GRAMD1B: variants seen among roughly 807,000 people sequenced by gnomAD.
The protein encoded by GRAMD1B is GRAM domain containing 1B, also known as protein Aster-B.
A neutral mutation model predicts 99.7 loss-of-function variants in GRAMD1B; 37 were observed. The ratio of observed to expected loss-of-function variants is 0.37; its 90% CI spans 0.29 to 0.49. GRAMD1B has a LOEUF of 0.49. GRAMD1B is among the 20% of genes least tolerant of loss of function. The pLI, the probability that GRAMD1B is intolerant of heterozygous loss-of-function variation, is 0.98. For missense variants in GRAMD1B, 888 were observed against 1,009.2 expected (o/e 0.88, Z 1.63); for synonymous variants, 427 against 387.6 (o/e 1.10, Z -1.19).
chr11:123,526,145 A>G (rs755313648), intron 2 of GRAMD1B: 1 of 1,612,924 alleles, frequency 6.2e-7, no homozygotes, highest in Admixed American at 1.7e-5. Context: ...TCGTGACTGT[A>G]CTAATGAAAG....
In GRAMD1B at chr11:123,620,472, C is replaced by CAAAAAAAA. The variant is rs55787871; in HGVS notation, c.2544+1265_2544+1272dup. On this transcript the variant is annotated intron_variant, in intron 19 of 19. Transcript: ENST00000635736. ...CTGGCAACAGAGTGAGACTTCATCT[C>CAAAAAAAA]AAAAAAAAAAAAAAAAAAAAAAAAG... Among the ~76,000 whole-genome samples the CAAAAAAAA allele has an allele frequency of 4.3e-5, 3 of 69,238 alleles. 1 individual carries two copies. The highest frequency in any genetic ancestry group is 7.4e-5 in the Non-Finnish European group (3 of 40,668). The allele number at this position is 69,238 out of a possible 152,430, so 45.4% of individuals were successfully genotyped here.
chr11:123,610,865 C>A lies in GRAMD1B; in HGVS notation c.1919+527C>A, dbSNP rs1018189255. Among the ~76,000 whole-genome samples the A allele has an allele frequency of 6.6e-6, 1 of 152,168 alleles. No homozygotes were observed. Among genetic ancestry groups the A allele is most frequent in the African/African-American group, 2.4e-5 (1 of 41,452 alleles). On this transcript the variant is annotated intron_variant, in intron 14 of 19. Coordinates refer to ENST00000635736, the MANE Select transcript of GRAMD1B (RefSeq NM_001387025.1). This position sits in a 1 kb window ranked among gnomAD's most constrained non-coding sequence, Gnocchi z 4.1. The stretch of plus-strand genomic sequence containing the variant: ...ACTTTATTCCCAGCACCCAGCTGGG[C>A]CTGCACGTATCAGAGTCCAGAGAAC...
chr11:123,381,717 C>T (rs1350161137), intron 1 of GRAMD1B, among the ~76,000 whole-genome samples: 5 of 152,204 alleles, frequency 3.3e-5, no homozygotes, highest in East Asian at 1.9e-4. Flanking sequence ...AATACATCAA[C>T]GTGGTCACCA....
chr11:123,486,717 A>G (rs1937840311), intron 2 of GRAMD1B, among the ~76,000 whole-genome samples: 1 of 152,212 alleles, frequency 6.6e-6, no homozygotes, highest in African/African-American at 2.4e-5. Flanking sequence ...TTACAAATAA[A>G]CAAGTATAAT....
intron 1 of GRAMD1B, among the ~76,000 whole-genome samples, chr11:123,452,321 C>T (rs1716432496): frequency 6.6e-6 from 1 of 152,172 alleles, no homozygotes. Context: ...GGCAATTAGC[C>T]AGATCTTGTG....
At chr11:123,532,311 G>A (rs1288859885) in intron 2 of GRAMD1B, among the ~76,000 whole-genome samples, 3 of 152,296 alleles carry the variant, frequency 2.0e-5, no homozygotes, top group South Asian at 2.1e-4. Context: ...GGAGGAAGGC[G>A]TGGCTCTTAA....
intron 8 of GRAMD1B, 139 bp from the exon 9 acceptor site, chr11:123,603,287 G>A (rs1952223088): frequency 1.6e-6 from 1 of 630,000 alleles, no homozygotes; most frequent in Non-Finnish European, 2.9e-6. Context: ...GCAGATGGGG[G>A]TGGTGGCTCG....
intron 1 of GRAMD1B, among the ~76,000 whole-genome samples, chr11:123,408,263 G>A (rs1250235082): frequency 1.3e-5 from 2 of 152,228 alleles, no homozygotes; most frequent in Admixed American, 6.5e-5. Context: ...AATAGAAAAT[G>A]AAGTGAAATG....
At position 123,626,594 on chromosome 11, in the gene GRAMD1B, A is replaced by T. The variant is rs1955522769; in HGVS notation, c.*3999A>T. The T allele has an allele frequency of 6.6e-6, 1 of 151,784 alleles. No individual in the cohort carries two copies. The highest frequency in any genetic ancestry group is 1.5e-5 in the Non-Finnish European group (1 of 67,960). 9.4% of individuals were successfully genotyped at this position (151,784 alleles called of 1,614,324 possible). On this transcript the variant is annotated 3_prime_UTR_variant, in exon 20 of 20. Coordinates refer to ENST00000635736, the MANE Select transcript of GRAMD1B (RefSeq NM_001387025.1). ...ATAGCACTCTTCTCCCTTCCCCCAG[A>T]TGGCAGGGCTCTGGCCTCCCTACAC...
At position 123,613,622 on chromosome 11, in the gene GRAMD1B, G is replaced by T. The variant is rs912435884; in HGVS notation, c.2191G>T (p.Asp731Tyr). 1.2e-6 allele frequency: 2 copies of T among 1,613,744 alleles called. No individual in the cohort carries two copies. The highest frequency in any genetic ancestry group is 1.7e-5 in the Admixed American group (1 of 59,998). ...EVMSPVTTPT[D>Y]EDVGHRIKHV... ...GATGAGCCCGGTCACCACGCCCACA[G>T]ATGAGGATGTGGGCCACAGGATCAA... The change falls in exon 16 of 20, where the codon GAT becomes TAT. Residue 731 changes from aspartate (D) to tyrosine (Y), a missense_variant. Physicochemically the swap from Asp to Tyr is radical, Grantham distance 160 (BLOSUM62 -3). Coordinates refer to ENST00000635736, the MANE Select transcript of GRAMD1B (RefSeq NM_001387025.1).
chr11:123,564,500 C>T (rs996968009), intron 2 of GRAMD1B, among the ~76,000 whole-genome samples: 1 of 152,250 alleles, frequency 6.6e-6, no homozygotes, highest in African/African-American at 2.4e-5. Flanking sequence ...CACCTAACTC[C>T]TGGGGGCTAT....
At chr11:123,571,985 G>A (rs114093929) in intron 2 of GRAMD1B, among the ~76,000 whole-genome samples, 1,820 of 152,210 alleles carry the variant, frequency 0.012, 32 homozygotes, top group African/African-American at 0.041. Context: ...ATTAACACGG[G>A]AAGAATAGGC....
intron 7 of GRAMD1B, chr11:123,598,687 C>G: frequency 9.9e-7 from 1 of 1,011,618 alleles, no homozygotes; most frequent in South Asian, 1.3e-5. Flanking sequence ...CCCAGAGAGG[C>G]CAACTCCTCC....
At chr11:123,454,443 A>T (rs1950022543) in intron 1 of GRAMD1B, 1 of 152,248 alleles carries the variant, frequency 6.6e-6, no homozygotes, top group Admixed American at 6.5e-5. Flanking sequence ...TGGAAAAGAC[A>T]GCGGTTTAGA....
chr11:123,426,358 A>G (rs549241608), upstream of GRAMD1B, among the ~76,000 whole-genome samples: 124 of 152,294 alleles, frequency 8.1e-4, no homozygotes, highest in Non-Finnish European at 1.5e-3. Context: ...TTTATCATCT[A>G]TCCCAAATCC....
At position 123,430,927 on chromosome 11, in the gene GRAMD1B, GC is replaced by G; in HGVS notation, c.136del (p.Arg46AlafsTer3). ...CGCTTCGCCGCCGGCGCTTCAAGATGCGCCGCATGAAGAACGTACAGGAGCA... is the reference window on the plus strand; with the variant it reads ...CGCTTCGCCGCCGGCGCTTCAAGATGGCCGCATGAAGAACGTACAGGAGCA... Reference protein sequence around the residue: ...PTLRRRRFKMRRMKNVQEQSL... With the variant: ...PTLRRRRFKMXRMKNVQEQSL... On this transcript the variant is annotated frameshift_variant, in exon 1 of 20. Transcript: ENST00000635736. 1 of 702,768 alleles carries G rather than the reference GC, an allele frequency of 1.4e-6. No homozygotes were observed. The highest frequency in any genetic ancestry group is 2.6e-6 in the Non-Finnish European group (1 of 384,848). 43.5% of individuals were successfully genotyped at this position (702,768 alleles called of 1,614,324 possible).
intron 2 of GRAMD1B, among the ~76,000 whole-genome samples, chr11:123,548,319 T>TAC (rs1276539105): frequency 3.8e-5 from 4 of 105,214 alleles, no homozygotes; most frequent in African/African-American, 1.5e-4. Flanking sequence ...TATATATATA[T>TAC]ATATATACAC....
At chr11:123,523,791 T>C (rs775822589) in intron 2 of GRAMD1B, among the ~76,000 whole-genome samples, 5 of 152,198 alleles carry the variant, frequency 3.3e-5, no homozygotes, top group Non-Finnish European at 4.4e-5. Context: ...GACAACTCTT[T>C]GTACTTCTGG....
intron 1 of GRAMD1B, among the ~76,000 whole-genome samples, chr11:123,395,241 G>A (rs7106228): frequency 0.45 from 68,583 of 151,970 alleles, 20,239 homozygotes; most frequent in African/African-American, 0.85. Context: ...GTATTATTGT[G>A]TAGATTTTCA....
Sources: gnomAD v4.1 joint callset for allele counts (sites outside exome capture counted in the v4.1 genomes callset) on GRCh38, gnomAD v4.1.1 for gene constraint, Gnocchi (gnomAD v3.1) non-coding constraint, MANE v1.5 for transcripts, NCBI Gene and HGNC (gene_info 2026-07-23, HGNC 2026-07-21) for gene names.